The following ZEB1 variants were observed in gnomAD, a reference collection of about 807,000 sequenced individuals.
ZEB1 encodes the protein zinc finger E-box-binding homeobox 1.
In ZEB1, 21 loss-of-function variants were observed where a neutral mutation model predicts 84.9. The ratio of observed to expected loss-of-function variants is 0.25; its 90% CI spans 0.18 to 0.36. The LOEUF (loss-of-function observed/expected upper bound fraction) is 0.36. Ranked by LOEUF, ZEB1 falls within the 10% of genes least tolerant of loss-of-function variation. The probability of loss-of-function intolerance (pLI) is 1.00; values close to 1 mark genes in which losing one functional copy is unlikely to be tolerated. For missense variants in ZEB1, 1,104 were observed against 1,330.2 expected, an observed-to-expected ratio of 0.83 and a Z score of 2.65; for synonymous variants, 420 against 471.1, an observed-to-expected ratio of 0.89 and a Z score of 1.41.
At chr10:31,425,854 A>G (rs1227678357) in intron 1 of ZEB1, among the ~76,000 whole-genome samples, 1 of 152,194 alleles carries the variant, frequency 6.6e-6, no homozygotes, top group Non-Finnish European at 1.5e-5. Flanking sequence ...AAGTTGGAGT[A>G]CAAGTGTTTA....
At chr10:31,396,456 A>G (rs948079867) in intron 1 of ZEB1, among the ~76,000 whole-genome samples, 1 of 152,212 alleles carries the variant, frequency 6.6e-6, no homozygotes, top group African/African-American at 2.4e-5. Context: ...GTAGAATTTA[A>G]TTTGGGTCCT....
chr10:31,363,425 C>T (rs1373475348), intron 1 of ZEB1: 16 of 1,534,156 alleles, frequency 1.0e-5, no homozygotes, highest in African/African-American at 1.4e-5. Flanking sequence ...TGGACATTTC[C>T]CTCCAAGGGC....
chr10:31,489,108 G>A (rs1359970002), intron 2 of ZEB1, among the ~76,000 whole-genome samples: 1 of 151,064 alleles, frequency 6.6e-6, no homozygotes, highest in Non-Finnish European at 1.5e-5. Context: ...TCTACTTTTT[G>A]TTCTGTTCAT....
chr10:31,402,524 G>A (rs144438275), intron 1 of ZEB1, among the ~76,000 whole-genome samples: 2,618 of 152,126 alleles, frequency 0.017, 28 homozygotes, highest in Non-Finnish European at 0.028. Flanking sequence ...ATTAATTACT[G>A]GTGGGGCCCT....
At chr10:31,363,310 C>G (rs1018229072) in intron 1 of ZEB1, 3 of 1,533,186 alleles carry the variant, frequency 2.0e-6, no homozygotes, top group African/African-American at 2.7e-5. Flanking sequence ...AAGGATGCCT[C>G]CAGCAGGGCT....
chr10:31,482,873 A>G (rs1358187501), intron 2 of ZEB1, among the ~76,000 whole-genome samples: 1 of 152,078 alleles, frequency 6.6e-6, no homozygotes, highest in Non-Finnish European at 1.5e-5. Flanking sequence ...GATCATTCCT[A>G]GATCTCTGAC....
Position 31,520,342 on chromosome 10 carries a change from C to T in ZEB1, c.1010C>T (p.Pro337Leu), listed in dbSNP as rs1191462227. ...PQIRQKIENK[P>L]LQEQLSVNQI... is the part of the protein sequence containing the mutation. ...ATACGGCAAAAGATAGAGAATAAAC[C>T]CCTTCAAGAACAACTTTCTGTTAAC... The change falls in exon 7 of 9, where the codon CCC becomes CTC. Residue 337 changes from proline to leucine, a missense_variant. Pro to Leu is a moderately conservative substitution (Grantham distance 98). Coordinates refer to ENST00000424869, the MANE Select transcript of ZEB1 (RefSeq NM_001174096.2). The surrounding 1 kb of genome is among the most constrained non-coding windows in gnomAD (Gnocchi z 5.1). 1 of 1,613,874 alleles carries T rather than the reference C, an allele frequency of 6.2e-7. No homozygotes were observed. The highest frequency in any genetic ancestry group is 1.1e-5 in the South Asian group (1 of 91,070).
chr10:31,411,140 A>G (rs2054161205), intron 1 of ZEB1, among the ~76,000 whole-genome samples: 1 of 152,334 alleles, frequency 6.6e-6, no homozygotes, highest in South Asian at 2.1e-4. Context: ...CAGCAAATGC[A>G]AAAGAACGGA....
At chr10:31,362,320 C>CTGT (rs2043352663) in intron 1 of ZEB1, among the ~76,000 whole-genome samples, 2 of 147,670 alleles carry the variant, frequency 1.4e-5, no homozygotes, top group African/African-American at 5.0e-5. Flanking sequence ...ACTTCCCGGA[C>CTGT]GGGGCGGTGG....
intron 1 of ZEB1, among the ~76,000 whole-genome samples, chr10:31,391,249 G>GTGTT (rs1385761989): frequency 6.9e-6 from 1 of 145,642 alleles, no homozygotes; most frequent in Non-Finnish European, 1.5e-5. Flanking sequence ...GTGTGTGTGT[G>GTGTT]TGTGTGTGTG....
intron 2 of ZEB1, among the ~76,000 whole-genome samples, chr10:31,480,461 G>C (rs1033872653): frequency 6.6e-6 from 1 of 152,032 alleles, no homozygotes; most frequent in Non-Finnish European, 1.5e-5. Flanking sequence ...GTATGATTTA[G>C]AAAAGATTGA....
intron 1 of ZEB1, among the ~76,000 whole-genome samples, chr10:31,393,743 C>G (rs1264742234): frequency 6.6e-6 from 1 of 152,148 alleles, no homozygotes; most frequent in African/African-American, 2.4e-5. Flanking sequence ...ATAGAACTTT[C>G]AAATACATTT....
chr10:31,361,191 T>C (rs188272374), intron 1 of ZEB1: 202 of 1,611,852 alleles, frequency 1.3e-4, no homozygotes, highest in Admixed American at 3.3e-4. Context: ...ACCATCCTGC[T>C]CTCAACTACA....
chr10:31,525,301 C>T lies in ZEB1; in HGVS notation c.2785+1188C>T, dbSNP rs568075464. Among the ~76,000 whole-genome samples the T allele has an allele frequency of 2.0e-5, 3 of 152,282 alleles. No individual in the cohort carries two copies. In the South Asian group the frequency reaches 6.2e-4, roughly 32 times the overall value. ...ACAGAAAATAGTTGCCAACTCCTGGCCTATTTCATTCCTTCCATCAGTGAA... is the reference window on the plus strand; with the variant it reads ...ACAGAAAATAGTTGCCAACTCCTGGTCTATTTCATTCCTTCCATCAGTGAA... On this transcript the variant is annotated intron_variant, in intron 8 of 8. Coordinates refer to ENST00000424869, the MANE Select transcript of ZEB1 (RefSeq NM_001174096.2).
chr10:31,525,738 C>G (rs1449075160), intron 8 of ZEB1, among the ~76,000 whole-genome samples: 1 of 152,140 alleles, frequency 6.6e-6, no homozygotes, highest in Non-Finnish European at 1.5e-5. Context: ...TACAGTGACA[C>G]TTGGAAGGTT....
At chr10:31,485,919 G>GAA (rs2065692889) in intron 2 of ZEB1, among the ~76,000 whole-genome samples, 3 of 151,704 alleles carry the variant, frequency 2.0e-5, no homozygotes, top group Non-Finnish European at 4.4e-5. Context: ...CCTGGCAACC[G>GAA]TGATCTTTTG....
At chr10:31,321,347 T>G (rs2033992083) in intron 1 of ZEB1, 1 of 1,479,286 alleles carries the variant, frequency 6.8e-7, no homozygotes, top group Non-Finnish European at 9.0e-7. Flanking sequence ...AATAAACACT[T>G]GCATTTTAAA....
chr10:31,363,050 G>A, intron 1 of ZEB1: 1 of 1,533,818 alleles, frequency 6.5e-7, no homozygotes, highest in Non-Finnish European at 8.7e-7. Flanking sequence ...GTCGGTTGCA[G>A]CTGCAGCGGT....
intron 1 of ZEB1, among the ~76,000 whole-genome samples, chr10:31,388,715 A>G (rs763605210): frequency 3.9e-5 from 6 of 152,098 alleles, no homozygotes; most frequent in Non-Finnish European, 7.4e-5. Context: ...GAGATAATCT[A>G]TATATACGTA....
Sources: allele counts gnomAD v4.1 joint callset (sites outside exome capture counted in the v4.1 genomes callset), GRCh38; gene constraint gnomAD v4.1.1; non-coding constraint Gnocchi (gnomAD v3.1); transcripts MANE v1.5; gene names NCBI Gene and HGNC (gene_info 2026-07-23, HGNC 2026-07-21).